Variants in KIF5C observed in about 807,000 individuals in gnomAD.
KIF5C encodes the protein kinesin heavy chain isoform 5C.
In KIF5C, 18 loss-of-function variants were observed where a neutral mutation model predicts 125.2. That is an observed-to-expected ratio of 0.14 (90% CI 0.10 to 0.21). The LOEUF (loss-of-function observed/expected upper bound fraction) is 0.21. KIF5C is among the 10% of genes least tolerant of loss of function. The probability of loss-of-function intolerance (pLI) is 1.00; values close to 1 mark genes in which losing one functional copy is unlikely to be tolerated. For synonymous variants in KIF5C, 405 were observed against 434.0 expected, an observed-to-expected ratio of 0.93 and a Z score of 0.83; for missense variants, 780 against 1,183.8, an observed-to-expected ratio of 0.66 and a Z score of 5.01.
At position 148,898,583 on chromosome 2, in the gene KIF5C, T is replaced by C. The variant is rs575485691; in HGVS notation, c.126+22840T>C. 6.6e-5 allele frequency among the ~76,000 whole-genome samples: 10 copies of C among 152,264 alleles called. No homozygotes were observed. The South Asian group carries it at 2.1e-3, about 32-fold the overall frequency. Reference sequence around the variant, plus strand: ...AGTTGAAACCAAACTGATGGCCTCATGAGACTTGACGGGCCATTACTGCTT... The same window carrying C: ...AGTTGAAACCAAACTGATGGCCTCACGAGACTTGACGGGCCATTACTGCTT... On this transcript the variant is annotated intron_variant, in intron 1 of 25. Coordinates refer to ENST00000435030, the MANE Select transcript of KIF5C (RefSeq NM_004522.3).
At position 148,875,575 on chromosome 2, in the gene KIF5C, G is replaced by GCCCCCCCCCCCTCCCCCCCCCCC; in HGVS notation, c.-37_-36insCCCCCTCCCCCCCCCCCCCCCCC. 2.9e-6 allele frequency: 2 copies of GCCCCCCCCCCCTCCCCCCCCCCC among 699,606 alleles called. No homozygotes were observed. The highest frequency in any genetic ancestry group is 3.0e-5 in the East Asian group (1 of 33,466). The allele number at this position is 699,606 out of a possible 1,614,324, so 43.3% of individuals were successfully genotyped here. A position where few individuals can be genotyped will look rare whatever the true frequency, so the allele number is the denominator to read the frequency against. ...TCCTCCCTCGTCGTTCCCGGCCCCG[G>GCCCCCCCCCCCTCCCCCCCCCCC]CCCCCCACCCATCCCCGTGCCCCCT... On this transcript the variant is annotated 5_prime_UTR_variant, in exon 1 of 26. Coordinates refer to ENST00000435030, the MANE Select transcript of KIF5C (RefSeq NM_004522.3).
intron 10 of KIF5C, among the ~76,000 whole-genome samples, chr2:148,961,548 TA>T (rs1682927779): frequency 6.6e-6 from 1 of 152,196 alleles, no homozygotes; most frequent in Non-Finnish European, 1.5e-5. Context: ...CCCAAATTCA[TA>T]AATGTTAATT....
chr2:149,009,119 A>C (rs537152141), intron 23 of KIF5C, among the ~76,000 whole-genome samples: 4 of 150,800 alleles, frequency 2.7e-5, no homozygotes, highest in South Asian at 4.2e-4. Flanking sequence ...CCTCCCGAGT[A>C]GCTGGGATTA....
intron 21 of KIF5C, among the ~76,000 whole-genome samples, chr2:149,001,976 A>C (rs1055491147): frequency 3.9e-5 from 6 of 152,296 alleles, no homozygotes; most frequent in African/African-American, 1.4e-4. Flanking sequence ...GGGAGAGGAA[A>C]TGAGGGCACC....
At chr2:148,994,173 G>A (rs1406571913) in intron 16 of KIF5C, among the ~76,000 whole-genome samples, 1 of 152,164 alleles carries the variant, frequency 6.6e-6, no homozygotes. Context: ...TTAACTGGAT[G>A]GTGAGGAGGG....
intron 25 of KIF5C, among the ~76,000 whole-genome samples, chr2:149,013,555 T>C (rs936362555): frequency 2.0e-5 from 3 of 152,112 alleles, no homozygotes; most frequent in African/African-American, 7.2e-5. Flanking sequence ...GATGTTGAGG[T>C]GGGCAGCTGG....
intron 16 of KIF5C, 30 bp downstream of exon 16, chr2:148,991,228 T>C (rs761902742): frequency 1.9e-6 from 3 of 1,603,970 alleles, no homozygotes; most frequent in Non-Finnish European, 2.6e-6. Context: ...ATCATTGCAC[T>C]CTTGTTGTCT....
chr2:148,974,162 T>C (rs774130249), intron 12 of KIF5C, among the ~76,000 whole-genome samples: 4 of 152,230 alleles, frequency 2.6e-5, no homozygotes, highest in Non-Finnish European at 5.9e-5. Context: ...GGAGAATCAA[T>C]TAAAGGTTGG....
At chr2:149,001,818 C>T (rs576087311) in intron 21 of KIF5C, among the ~76,000 whole-genome samples, 8 of 152,362 alleles carry the variant, frequency 5.3e-5, no homozygotes, top group African/African-American at 1.7e-4. Flanking sequence ...CATTTTGGCT[C>T]CGTTCATGGG....
chr2:148,998,168 G>A (rs528667879), intron 18 of KIF5C: 29 of 603,082 alleles, frequency 4.8e-5, no homozygotes, highest in South Asian at 3.4e-4. Flanking sequence ...TTATTTAGTT[G>A]GTGGGCTAAT....
intron 22 of KIF5C, among the ~76,000 whole-genome samples, chr2:149,005,875 T>G (rs1461721246): frequency 1.3e-5 from 2 of 152,242 alleles, no homozygotes; most frequent in Non-Finnish European, 2.9e-5. Context: ...GGTCAGAGTT[T>G]ATAAAGCACG....
intron 1 of KIF5C, chr2:148,877,345 A>T (rs1352065767): frequency 6.6e-6 from 1 of 152,244 alleles, no homozygotes; most frequent in Non-Finnish European, 1.5e-5. Context: ...GAGCTGACCT[A>T]TGAGGGCAGG....
intron 1 of KIF5C, among the ~76,000 whole-genome samples, chr2:148,915,629 T>C (rs1028280970): frequency 1.3e-5 from 2 of 152,224 alleles, no homozygotes; most frequent in Non-Finnish European, 2.9e-5. Flanking sequence ...AGTCCAGATC[T>C]TTTAGGACCT....
At chr2:148,922,068 C>T (rs572792829) in intron 1 of KIF5C, 69 bp from the exon 2 acceptor site, 290 of 1,088,852 alleles carry the variant, frequency 2.7e-4, no homozygotes, top group African/African-American at 4.2e-4. Flanking sequence ...CTAATGTTTG[C>T]GATTTTTTAT....
chr2:148,930,288 G>A (rs1682146198), intron 3 of KIF5C, among the ~76,000 whole-genome samples: 1 of 151,768 alleles, frequency 6.6e-6, no homozygotes, highest in Admixed American at 6.6e-5. Context: ...AAACAAGGCA[G>A]GTCTGCAGAC....
chr2:148,894,703 A>ATATATATAT lies in KIF5C; in HGVS notation c.126+18960_126+18961insTATATATAT, dbSNP rs1558875720. Among the ~76,000 whole-genome samples, 782 of 147,498 alleles carry ATATATATAT rather than the reference A, an allele frequency of 5.3e-3. 1 individual carries two copies. Among genetic ancestry groups the ATATATATAT allele is most frequent in the African/African-American group, 0.018 (742 of 40,464 alleles). ...CTTACATTTCAAATAAGTTTAGTAC[A>ATATATATAT]ATATATATATATATATATAGGGTGG... is the stretch of plus-strand genomic sequence containing the variant. On this transcript the variant is annotated intron_variant, in intron 1 of 25. Coordinates refer to ENST00000435030, the MANE Select transcript of KIF5C (RefSeq NM_004522.3).
At chr2:148,998,800 A>T in intron 19 of KIF5C, 3 of 199,948 alleles carry the variant, frequency 1.5e-5, no homozygotes, top group Non-Finnish European at 2.0e-5. Flanking sequence ...ATGCCCCAGT[A>T]GATGGGGGGG....
chr2:148,881,501 T>C (rs77055861), intron 1 of KIF5C, among the ~76,000 whole-genome samples: 10,984 of 151,754 alleles, frequency 0.072, 503 homozygotes, highest in Middle Eastern at 0.2. Flanking sequence ...TGACTGAAGG[T>C]TTTTTTTCCC....
At chr2:148,897,101 A>AG (rs1328296820) in intron 1 of KIF5C, among the ~76,000 whole-genome samples, 1 of 152,136 alleles carries the variant, frequency 6.6e-6, no homozygotes, top group Non-Finnish European at 1.5e-5. Flanking sequence ...CCAAAGTGCT[A>AG]GGATTATAGG....
Sources: gnomAD v4.1 joint callset for allele counts (sites outside exome capture counted in the v4.1 genomes callset) on GRCh38, gnomAD v4.1.1 for gene constraint, MANE v1.5 for transcripts, NCBI Gene and HGNC (gene_info 2026-07-23, HGNC 2026-07-21) for gene names.